FRAS1: variants seen among roughly 807,000 people sequenced by gnomAD.
FRAS1 encodes Fraser extracellular matrix complex subunit 1.
In FRAS1, 290 loss-of-function variants were observed where a neutral mutation model predicts 435.2. The observed-to-expected ratio is 0.67, with a 90% CI of 0.61 to 0.73. The LOEUF (loss-of-function observed/expected upper bound fraction) is 0.73. Ranked by LOEUF, FRAS1 falls within the 30% of genes least tolerant of loss-of-function variation. The pLI is 0.00. For missense variants in FRAS1, 4,860 were observed against 5,001.5 expected (o/e 0.97, Z 0.85); for synonymous variants, 1,800 against 1,851.0 (o/e 0.97, Z 0.71).
chr4:78,466,163 C>A (rs767391726), intron 49 of FRAS1, 45 bp from the exon 50 acceptor site: 1 of 1,548,356 alleles, frequency 6.5e-7, no homozygotes, highest in Non-Finnish European at 8.9e-7. Flanking sequence ...CTTTTGGTTT[C>A]TGTTATGAGC....
chr4:78,268,814 G>A (rs1046082189), intron 9 of FRAS1, among the ~76,000 whole-genome samples: 1 of 152,196 alleles, frequency 6.6e-6, no homozygotes, highest in Non-Finnish European at 1.5e-5. Context: ...TATTCTTAGG[G>A]AATATGGGGA....
At position 78,441,317 on chromosome 4, in the gene FRAS1, T is replaced by C. The variant is rs1244986455; in HGVS notation, c.5665+20T>C. 1.2e-6 allele frequency: 2 copies of C among 1,603,778 alleles called. No individual in the cohort carries two copies. Among genetic ancestry groups the C allele is most frequent in the East Asian group, 2.2e-5 (1 of 44,662 alleles). On this transcript the variant is annotated intron_variant, in intron 41 of 73. Transcript: ENST00000512123. ...GAACAGGTACTACTTCCTGTAAAAC[T>C]GTTAAGGACCTTGAGAGAAGGGAGG...
chr4:78,424,278 G>A (rs1733913477), intron 34 of FRAS1, 110 bp from the exon 35 acceptor site: 1 of 520,034 alleles, frequency 1.9e-6, no homozygotes, highest in Non-Finnish European at 3.4e-6. Context: ...GAATAATTTA[G>A]ATTAAAACAT....
intron 68 of FRAS1, among the ~76,000 whole-genome samples, chr4:78,521,984 T>C (rs1027876015): frequency 2.6e-5 from 4 of 152,260 alleles, no homozygotes; most frequent in African/African-American, 9.6e-5. Flanking sequence ...TCTTTTCCAC[T>C]TATTTTTATA....
rs1301191249 is a variant in FRAS1, at chr4:78,540,613, C to G, written c.11528C>G (p.Ser3843Cys). The change falls in exon 74 of 74, where the codon TCT becomes TGT. Residue 3843 changes from serine (S) to cysteine (C), a missense_variant. Ser to Cys is a moderately radical substitution (Grantham distance 112). Transcript: ENST00000512123. The part of the protein sequence containing the change: ...DTISGPRVQR[S>C]LTAPLRRNRR... ...ATCTCAGGGCCCCGGGTCCAGCGCT[C>G]TCTCACAGCTCCACTCAGACGCAAC... The G allele has an allele frequency of 2.6e-6, 4 of 1,563,092 alleles. No homozygotes were observed. Among genetic ancestry groups the G allele is most frequent in the Admixed American group, 1.9e-5 (1 of 52,984 alleles).
intron 5 of FRAS1, 149 bp from the exon 6 acceptor site, chr4:78,255,093 A>G (rs1725729174): frequency 5.3e-6 from 4 of 760,738 alleles, no homozygotes; most frequent in Non-Finnish European, 9.1e-6. Flanking sequence ...ATTTCAAGGT[A>G]GTGACTGCAG....
chr4:78,153,981 G>T (rs969493019), intron 2 of FRAS1, among the ~76,000 whole-genome samples: 1 of 151,584 alleles, frequency 6.6e-6, no homozygotes, highest in Non-Finnish European at 1.5e-5. Flanking sequence ...AGAGTCTTTT[G>T]TTCAGCAGAA....
chr4:78,305,687 C>T (rs1033720157), intron 14 of FRAS1, among the ~76,000 whole-genome samples: 6 of 151,392 alleles, frequency 4.0e-5, no homozygotes, highest in Admixed American at 4.0e-4. Flanking sequence ...ATTGCAACCC[C>T]TGCCTTTTTT....
intron 14 of FRAS1, among the ~76,000 whole-genome samples, chr4:78,304,090 C>T (rs1235548621): frequency 2.0e-5 from 3 of 149,466 alleles, no homozygotes; most frequent in African/African-American, 7.5e-5. Context: ...TGTCAAAGGC[C>T]TTTTCTGCAT....
chr4:78,534,026 G>A (rs987659708), intron 70 of FRAS1, among the ~76,000 whole-genome samples: 6 of 152,084 alleles, frequency 3.9e-5, no homozygotes, highest in African/African-American at 1.2e-4. Flanking sequence ...AGAGAGTATC[G>A]CCTAGCAAGT....
intron 20 of FRAS1, among the ~76,000 whole-genome samples, chr4:78,341,405 A>T (rs979852235): frequency 6.6e-6 from 1 of 152,184 alleles, no homozygotes; most frequent in African/African-American, 2.4e-5. Flanking sequence ...GAAGAGAAAG[A>T]TCTGCGGAAG....
chr4:78,538,565 G>A (rs1389797499), intron 72 of FRAS1, among the ~76,000 whole-genome samples: 1 of 152,122 alleles, frequency 6.6e-6, no homozygotes, highest in African/African-American at 2.4e-5. Context: ...TGGCTGGGGA[G>A]GCCTCTTACA....
At chr4:78,065,358 G>A (rs780782817) in intron 1 of FRAS1, among the ~76,000 whole-genome samples, 1 of 151,334 alleles carries the variant, frequency 6.6e-6, no homozygotes, top group Admixed American at 6.6e-5. Context: ...ATGTAGTGGG[G>A]TAAATACAAC....
chr4:78,183,611 G>T (rs1020671139), intron 2 of FRAS1, among the ~76,000 whole-genome samples: 8 of 152,256 alleles, frequency 5.3e-5, no homozygotes, highest in Admixed American at 2.6e-4. Flanking sequence ...GTTTTAAAGT[G>T]TGTCTTCTAC....
At position 78,086,831 on chromosome 4, in the gene FRAS1, T is replaced by A. The variant is rs980540702; in HGVS notation, c.108+20815T>A. ...AGGACCAGATGGATTCACAGCCGAA[T>A]TCTACCAGAGGTACAAGGAGGAGCT... On this transcript the variant is annotated intron_variant, in intron 2 of 73. Transcript: ENST00000512123. Among the ~76,000 whole-genome samples, 40 of 152,168 alleles carry A rather than the reference T, an allele frequency of 2.6e-4. 1 individual carries two copies. The highest frequency in any genetic ancestry group is 3.2e-4 in the Non-Finnish European group (22 of 68,038).
chr4:78,416,147 G>A (rs1264378897), intron 32 of FRAS1, among the ~76,000 whole-genome samples: 1 of 152,148 alleles, frequency 6.6e-6, no homozygotes, highest in Non-Finnish European at 1.5e-5. Context: ...CTACAACATA[G>A]ATGAATGTTT....
At chr4:78,443,487 A>G (rs1392837502) in intron 41 of FRAS1, among the ~76,000 whole-genome samples, 1 of 152,262 alleles carries the variant, frequency 6.6e-6, no homozygotes, top group Non-Finnish European at 1.5e-5. Flanking sequence ...TTTGTTAGGT[A>G]TGAAATCTAA....
chr4:78,086,896 AG>A (rs1358875037), intron 2 of FRAS1, among the ~76,000 whole-genome samples: 1 of 152,192 alleles, frequency 6.6e-6, no homozygotes, highest in African/African-American at 2.4e-5. Flanking sequence ...CAATAGAAAA[AG>A]AGGGAATCCT....
In FRAS1 at chr4:78,358,836, A is replaced by T. The variant is rs939928469; in HGVS notation, c.2423-4677A>T. On this transcript the variant is annotated intron_variant, in intron 20 of 73. Coordinates refer to ENST00000512123, the MANE Select transcript of FRAS1 (RefSeq NM_025074.7). ...TTTGCTTACTTAATACTGGAATATG[A>T]TGTCGCTGCTAAAAATGATGTTTAC... 7.9e-5 allele frequency among the ~76,000 whole-genome samples: 12 copies of T among 152,290 alleles called. No individual in the cohort carries two copies. The South Asian group carries it at 2.5e-3, about 32-fold the overall frequency.
Sources: gnomAD v4.1 joint callset for allele counts (sites outside exome capture counted in the v4.1 genomes callset) on GRCh38, gnomAD v4.1.1 for gene constraint, MANE v1.5 for transcripts, NCBI Gene and HGNC (gene_info 2026-07-23, HGNC 2026-07-21) for gene names.